Variants in DAPK1 observed in about 807,000 individuals in gnomAD.
DAPK1 encodes the protein death associated protein kinase 1.
A neutral mutation model predicts 144.9 loss-of-function variants in DAPK1; 56 were observed. The ratio of observed to expected loss-of-function variants is 0.39; its 90% CI spans 0.31 to 0.48. DAPK1 has a LOEUF of 0.48. Ranked by LOEUF, DAPK1 falls within the 20% of genes least tolerant of loss-of-function variation. DAPK1 has a pLI of 0.95. For synonymous variants in DAPK1, 690 were observed against 749.0 expected (o/e 0.92, Z 1.29); for missense variants, 1,454 against 1,875.4 (o/e 0.78, Z 4.15).
Position 87,568,019 on chromosome 9 carries a change from GAGT to G in DAPK1, c.63-36932_63-36930del. Reference sequence around the variant, plus strand: ...ACGGTCCAAGGTCTCATGGCTAAATGAGTAGAAGACCAAAACTGTGATTACAAA... The same window carrying G: ...ACGGTCCAAGGTCTCATGGCTAAATGAGAAGACCAAAACTGTGATTACAAA... On this transcript the variant is annotated intron_variant, in intron 2 of 25. Coordinates refer to ENST00000408954, the MANE Select transcript of DAPK1 (RefSeq NM_004938.4). Among the ~76,000 whole-genome samples, 3 of 152,356 alleles carry G rather than the reference GAGT, an allele frequency of 2.0e-5. No homozygotes were observed. The Middle Eastern group carries it at 0.01, about 518-fold the overall frequency.
intron 2 of DAPK1, among the ~76,000 whole-genome samples, chr9:87,603,159 A>G (rs1390970921): frequency 6.6e-6 from 1 of 151,964 alleles, no homozygotes; most frequent in African/African-American, 2.4e-5. Context: ...ACACAATAAC[A>G]TCTTTGTAAG....
intron 2 of DAPK1, among the ~76,000 whole-genome samples, chr9:87,559,191 A>G (rs768958344): frequency 1.3e-5 from 2 of 152,170 alleles, no homozygotes; most frequent in Non-Finnish European, 1.5e-5. Flanking sequence ...TCCTTGTTTT[A>G]CAAATGAAGA....
chr9:87,548,478 T>C (rs1305608290), intron 2 of DAPK1, among the ~76,000 whole-genome samples: 1 of 152,182 alleles, frequency 6.6e-6, no homozygotes, highest in Non-Finnish European at 1.5e-5. Flanking sequence ...ACATATAAGT[T>C]TGGTAAGGTA....
At chr9:87,529,657 G>A (rs983521369) in intron 2 of DAPK1, among the ~76,000 whole-genome samples, 3 of 152,194 alleles carry the variant, frequency 2.0e-5, no homozygotes, top group Non-Finnish European at 2.9e-5. Flanking sequence ...TTGCACAGGA[G>A]GGGACAGAGC....
intron 2 of DAPK1, among the ~76,000 whole-genome samples, chr9:87,559,745 C>G (rs1289974197): frequency 6.6e-6 from 1 of 152,114 alleles, no homozygotes; most frequent in African/African-American, 2.4e-5. Flanking sequence ...GAACTGAGAC[C>G]AGTGAGCAGG....
intron 2 of DAPK1, among the ~76,000 whole-genome samples, chr9:87,526,681 G>C (rs145193040): frequency 4.8e-4 from 73 of 152,170 alleles, no homozygotes; most frequent in African/African-American, 1.5e-3. Flanking sequence ...AAAGGTTTTT[G>C]GGCAGCGTCC....
At chr9:87,622,895 A>G (rs893035919) in intron 3 of DAPK1, among the ~76,000 whole-genome samples, 4 of 152,112 alleles carry the variant, frequency 2.6e-5, no homozygotes, top group African/African-American at 9.7e-5. Flanking sequence ...TGGGCGGCAG[A>G]GTGAGACTCC....
At chr9:87,569,948 C>T (rs528386552) in intron 2 of DAPK1, among the ~76,000 whole-genome samples, 6 of 152,192 alleles carry the variant, frequency 3.9e-5, no homozygotes, top group South Asian at 4.2e-4. Context: ...TCTAGACTTC[C>T]GAATGTCATG....
At chr9:87,679,814 C>G (rs1824539564) in intron 19 of DAPK1, among the ~76,000 whole-genome samples, 1 of 152,168 alleles carries the variant, frequency 6.6e-6, no homozygotes, top group Admixed American at 6.5e-5. Flanking sequence ...GTGTTCCCAG[C>G]CCCCTCTGCA....
intron 2 of DAPK1, among the ~76,000 whole-genome samples, chr9:87,522,174 A>T (rs916533776): frequency 6.6e-6 from 1 of 152,166 alleles, no homozygotes; most frequent in Non-Finnish European, 1.5e-5. Context: ...CACCAACAAT[A>T]CTTAACTAGA....
Position 87,570,470 on chromosome 9 carries a change from A to G in DAPK1, c.63-34484A>G, listed in dbSNP as rs36203443. Reference sequence around the variant, plus strand: ...CATCAAATACTTTGCTTTACCTTGAAGAATATTACCCCCAGGTTGGGACAG... The same window carrying G: ...CATCAAATACTTTGCTTTACCTTGAGGAATATTACCCCCAGGTTGGGACAG... On this transcript the variant is annotated intron_variant, in intron 2 of 25. Transcript: ENST00000408954. 7.2e-3 allele frequency among the ~76,000 whole-genome samples: 1,093 copies of G among 152,308 alleles called. 10 individuals carry two copies. Among genetic ancestry groups the G allele is most frequent in the African/African-American group, 0.025 (1,041 of 41,574 alleles).
intron 19 of DAPK1, among the ~76,000 whole-genome samples, chr9:87,679,181 C>T (rs929814170): frequency 6.6e-6 from 1 of 152,092 alleles, no homozygotes; most frequent in African/African-American, 2.4e-5. Flanking sequence ...CTGGGAATTC[C>T]GTCTGTCCCC....
rs188408120 is a variant in DAPK1 at position 87,655,293 on chromosome 9, G to A, written c.1825-2736G>A. On this transcript the variant is annotated intron_variant, in intron 17 of 25. Transcript: ENST00000408954. The stretch of plus-strand genomic sequence containing the variant: ...GTTGGCTTTGATGCTCCCATCATCA[G>A]CACACCCTGACTTTGGGGATCTCAC... Among the ~76,000 whole-genome samples, 407 of 152,220 alleles carry A rather than the reference G, an allele frequency of 2.7e-3. 2 individuals are homozygous for A. The highest frequency in any genetic ancestry group is 9.1e-3 in the African/African-American group (377 of 41,548).
chr9:87,617,774 G>A (rs1333577370), intron 3 of DAPK1, among the ~76,000 whole-genome samples: 1 of 152,008 alleles, frequency 6.6e-6, no homozygotes, highest in African/African-American at 2.4e-5. Flanking sequence ...CTCCAAGACG[G>A]GTCTCCCCAG....
intron 2 of DAPK1, among the ~76,000 whole-genome samples, chr9:87,549,876 A>T (rs1325950983): frequency 6.6e-6 from 1 of 151,942 alleles, no homozygotes; most frequent in African/African-American, 2.4e-5. Context: ...CACAATGAAC[A>T]TTTTTTTTAT....
chr9:87,703,608 T>C (rs867948407), intron 25 of DAPK1, among the ~76,000 whole-genome samples: 3 of 152,120 alleles, frequency 2.0e-5, no homozygotes, highest in African/African-American at 7.2e-5. Flanking sequence ...CACACAGATC[T>C]CCTGGGTGGG....
chr9:87,533,406 A>G (rs1825757413), intron 2 of DAPK1, among the ~76,000 whole-genome samples: 1 of 152,164 alleles, frequency 6.6e-6, no homozygotes, highest in Non-Finnish European at 1.5e-5. Context: ...AGGAGTGTTC[A>G]TGTGTTCACA....
At chr9:87,594,966 C>T (rs1828264458) in intron 2 of DAPK1, among the ~76,000 whole-genome samples, 1 of 152,222 alleles carries the variant, frequency 6.6e-6, no homozygotes, top group Admixed American at 6.5e-5. Flanking sequence ...CCACCTCCAC[C>T]TCTGTGCTTG....
chr9:87,642,549 T>C (rs1467027298), intron 10 of DAPK1, among the ~76,000 whole-genome samples: 1 of 152,114 alleles, frequency 6.6e-6, no homozygotes, highest in African/African-American at 2.4e-5. Context: ...CCACAGGGGC[T>C]GGGTAGGACA....
Sources: allele counts gnomAD v4.1 joint callset (sites outside exome capture counted in the v4.1 genomes callset), GRCh38; gene constraint gnomAD v4.1.1; transcripts MANE v1.5; gene names NCBI Gene and HGNC (gene_info 2026-07-23, HGNC 2026-07-21).